The following VWA3B variants were observed in gnomAD, a reference collection of about 807,000 sequenced individuals.
The protein encoded by VWA3B is von Willebrand factor A domain-containing protein 3B.
Under a neutral mutation model 158.3 loss-of-function variants are expected in VWA3B, and 138 were observed. The observed-to-expected ratio is 0.87, with a 90% CI of 0.76 to 1.00. The LOEUF (loss-of-function observed/expected upper bound fraction) is 1.00. Among genes scored for constraint, VWA3B ranks in the 50% least tolerant of loss-of-function variants. The pLI is 0.00. For missense variants in VWA3B, 1,555 were observed against 1,565.1 expected (o/e 0.99, Z 0.11); for synonymous variants, 596 against 587.3 (o/e 1.01, Z -0.21).
intron 7 of VWA3B, among the ~76,000 whole-genome samples, chr2:98,157,577 C>G (rs1678191146): frequency 6.6e-6 from 1 of 152,202 alleles, no homozygotes. Flanking sequence ...TAGCACCTCA[C>G]AGTGTATTAT....
intron 7 of VWA3B, among the ~76,000 whole-genome samples, chr2:98,143,068 GTC>G (rs1487725177): frequency 6.6e-6 from 1 of 152,132 alleles, no homozygotes; most frequent in Non-Finnish European, 1.5e-5. Flanking sequence ...TTGAGAGGGA[GTC>G]TCTCTGTCAC....
intron 16 of VWA3B, among the ~76,000 whole-genome samples, chr2:98,232,075 T>C (rs1685374331): frequency 6.6e-6 from 1 of 152,250 alleles, no homozygotes; most frequent in East Asian, 1.9e-4. Flanking sequence ...CATGTAATTC[T>C]TCTTTGAATG....
At chr2:98,225,857 T>C (rs908230403) in intron 14 of VWA3B, among the ~76,000 whole-genome samples, 5 of 152,206 alleles carry the variant, frequency 3.3e-5, no homozygotes, top group African/African-American at 1.2e-4. Context: ...TCAAATAAGA[T>C]GAAATATTTA....
intron 7 of VWA3B, among the ~76,000 whole-genome samples, chr2:98,142,228 C>T (rs776505877): frequency 2.0e-5 from 3 of 152,118 alleles, no homozygotes; most frequent in Non-Finnish European, 4.4e-5. Context: ...CTGCTGCTCC[C>T]GTGCTGGGCT....
At chr2:98,199,421 C>CT (rs1364142018) in intron 12 of VWA3B, among the ~76,000 whole-genome samples, 1 of 152,148 alleles carries the variant, frequency 6.6e-6, no homozygotes, top group African/African-American at 2.4e-5. Flanking sequence ...AACACCAAGG[C>CT]TTTTGGGTCA....
chr2:98,310,223 TA>T (rs896385962), intron 26 of VWA3B, among the ~76,000 whole-genome samples: 3 of 152,156 alleles, frequency 2.0e-5, no homozygotes, highest in Admixed American at 2.0e-4. Context: ...GAGAGACACT[TA>T]GGGCACAATA....
chr2:98,280,532 TG>T, intron 22 of VWA3B, among the ~76,000 whole-genome samples: 1 of 152,360 alleles, frequency 6.6e-6, no homozygotes, highest in African/African-American at 2.4e-5. Context: ...TCTGTGGAAG[TG>T]TTTCTTGTGC....
chr2:98,108,836 C>CA (rs1321791470), intron 2 of VWA3B, among the ~76,000 whole-genome samples: 4 of 151,932 alleles, frequency 2.6e-5, no homozygotes, highest in Admixed American at 6.6e-5. Context: ...AGACCATTTA[C>CA]AATTAACTTG....
At chr2:98,230,336 A>G (rs1685251699) in intron 16 of VWA3B, 129 bp downstream of exon 16, 2 of 940,856 alleles carry the variant, frequency 2.1e-6, no homozygotes, top group Admixed American at 7.4e-5. Flanking sequence ...TAAAATTTTT[A>G]TTAAAATAAT....
intron 2 of VWA3B, among the ~76,000 whole-genome samples, chr2:98,108,793 C>T (rs1427315269): frequency 6.6e-6 from 1 of 151,860 alleles, no homozygotes; most frequent in Non-Finnish European, 1.5e-5. Flanking sequence ...AAAAAATCCT[C>T]TTTGCCAATC....
In VWA3B at chr2:98,268,677, T is replaced by C. The variant is rs1440631030; in HGVS notation, c.2844-2005T>C. Among the ~76,000 whole-genome samples the C allele has an allele frequency of 3.6e-5, 5 of 138,934 alleles. No homozygotes were observed. The East Asian group carries it at 8.1e-4, about 22-fold the overall frequency. 91.1% of individuals were successfully genotyped at this position (138,934 alleles called of 152,430 possible). A position where few individuals can be genotyped will look rare whatever the true frequency, so the allele number is the denominator to read the frequency against. The stretch of plus-strand genomic sequence containing the variant: ...TTTCAGGTAATTAATATATCTCCAT[T>C]CCTTTTTTTTTTTTTGCTTTGTAAT... On this transcript the variant is annotated intron_variant, in intron 21 of 27. Transcript: ENST00000477737.
intron 23 of VWA3B, among the ~76,000 whole-genome samples, chr2:98,293,989 C>T (rs1689643345): frequency 6.6e-6 from 1 of 151,844 alleles, no homozygotes; most frequent in Non-Finnish European, 1.5e-5. Context: ...ATTATTTAAG[C>T]ATAAGGCCAG....
intron 16 of VWA3B, 36 bp downstream of exon 16, chr2:98,230,243 T>C (rs1047481291): frequency 5.4e-6 from 8 of 1,494,778 alleles, no homozygotes; most frequent in Admixed American, 2.5e-5. Context: ...TCTTTGCTGG[T>C]TTCTCTTCAA....
chr2:98,093,131 G>T lies in VWA3B; in HGVS notation c.39G>T (p.Gln13His). Residue 13 changes from glutamine (Q) to histidine (H), a missense_variant, in exon 2 of 28, where the codon CAG becomes CAT. Transcript: ENST00000477737. ...KSGPSSTISEQQLQRQEGWIN... is the reference protein window; with the variant it reads ...KSGPSSTISEHQLQRQEGWIN... ...GCCCATCTTCTACCATCTCTGAGCA[G>T]CAGCTGCAGAGGCAAGAGGGATGGA... The T allele has an allele frequency of 6.2e-7, 1 of 1,614,030 alleles. No individual in the cohort carries two copies. Among genetic ancestry groups the T allele is most frequent in the Non-Finnish European group, 8.5e-7 (1 of 1,179,976 alleles).
intron 5 of VWA3B, among the ~76,000 whole-genome samples, chr2:98,124,743 G>A (rs868774137): frequency 2.0e-5 from 3 of 152,324 alleles, no homozygotes; most frequent in Middle Eastern, 3.4e-3. Flanking sequence ...GGGGATGAGA[G>A]CACAGGCTCT....
chr2:98,180,330 T>C (rs1369146509), intron 8 of VWA3B, among the ~76,000 whole-genome samples: 1 of 152,202 alleles, frequency 6.6e-6, no homozygotes, highest in Non-Finnish European at 1.5e-5. Flanking sequence ...TAGTTGGGAT[T>C]ACAGACACCT....
rs1267680509 is a variant in VWA3B at position 98,304,897 on chromosome 2, C to A, written c.3521+1095C>A. Among the ~76,000 whole-genome samples, 7 of 152,244 alleles carry A rather than the reference C, an allele frequency of 4.6e-5. No individual in the cohort carries two copies. The East Asian group carries it at 1.4e-3, about 29-fold the overall frequency. On this transcript the variant is annotated intron_variant, in intron 26 of 27. Coordinates refer to ENST00000477737, the MANE Select transcript of VWA3B (RefSeq NM_144992.5). ...GCAGTGTGATCCAGCATGCTCCCTG[C>A]CCTTCACTGCCGGTCTCCATGCGTC...
intron 7 of VWA3B, among the ~76,000 whole-genome samples, chr2:98,148,792 T>C (rs935423712): frequency 6.6e-6 from 1 of 152,242 alleles, no homozygotes; most frequent in Non-Finnish European, 1.5e-5. Flanking sequence ...ATATGACACT[T>C]GCTCCTGGAC....
intron 7 of VWA3B, among the ~76,000 whole-genome samples, chr2:98,151,224 T>G (rs1677602971): frequency 1.3e-5 from 2 of 152,150 alleles, no homozygotes; most frequent in Non-Finnish European, 2.9e-5. Flanking sequence ...GCGATTGTCC[T>G]GCCTCAGCCT....
Sources: gnomAD v4.1 joint callset for allele counts (sites outside exome capture counted in the v4.1 genomes callset) on GRCh38, gnomAD v4.1.1 for gene constraint, MANE v1.5 for transcripts, NCBI Gene and HGNC (gene_info 2026-07-23, HGNC 2026-07-21) for gene names.